Variants in LRRIQ3 observed in about 807,000 individuals in gnomAD.
LRRIQ3 encodes leucine rich repeats and IQ motif containing 3, also known as leucine-rich repeat and IQ domain-containing protein 3.
A neutral mutation model predicts 59.3 loss-of-function variants in LRRIQ3; 75 were observed. The ratio of observed to expected loss-of-function variants is 1.26; its 90% CI spans 1.05 to 1.53. The LOEUF (loss-of-function observed/expected upper bound fraction) is 1.53. LRRIQ3 is among the 40% of genes most tolerant of loss of function. LRRIQ3 has a pLI of 0.00. For missense variants in LRRIQ3, 831 were observed against 710.0 expected (o/e 1.17, Z -1.94); for synonymous variants, 250 against 231.3 (o/e 1.08, Z -0.73).
chr1:74,185,040 T>C (rs1213490138), intron 1 of LRRIQ3, among the ~76,000 whole-genome samples: 2 of 152,228 alleles, frequency 1.3e-5, no homozygotes, highest in Non-Finnish European at 2.9e-5. Context: ...TGGTTTGGTT[T>C]ATTTATCCAT....
At chr1:74,083,653 G>A (rs1345557596) in intron 5 of LRRIQ3, 1 of 151,700 alleles carries the variant, frequency 6.6e-6, no homozygotes, top group East Asian at 1.9e-4. Context: ...GCCTAAATAA[G>A]TTTTGAGAAA....
At chr1:74,184,508 G>A (rs1650227919) in intron 1 of LRRIQ3, among the ~76,000 whole-genome samples, 2 of 152,106 alleles carry the variant, frequency 1.3e-5, no homozygotes, top group Non-Finnish European at 1.5e-5. Flanking sequence ...ACGATGTGCA[G>A]ATAAACTAAA....
intron 3 of LRRIQ3, among the ~76,000 whole-genome samples, chr1:74,169,712 T>A (rs144329681): frequency 0.015 from 2,343 of 152,130 alleles, 43 homozygotes; most frequent in South Asian, 0.023. Flanking sequence ...CCACACCTGG[T>A]TAATTTCTTA....
At chr1:74,047,142 C>T (rs779815783) in intron 6 of LRRIQ3, among the ~76,000 whole-genome samples, 5 of 152,066 alleles carry the variant, frequency 3.3e-5, no homozygotes, top group Admixed American at 6.6e-5. Flanking sequence ...CACATACACA[C>T]GTATGTTTAT....
chr1:74,056,129 A>G (rs1654527015), intron 6 of LRRIQ3, among the ~76,000 whole-genome samples: 1 of 150,062 alleles, frequency 6.7e-6, no homozygotes, highest in African/African-American at 2.5e-5. Flanking sequence ...TCGGTGACAG[A>G]GTGAGAATCT....
At chr1:74,064,423 G>A (rs1440154249) in intron 6 of LRRIQ3, among the ~76,000 whole-genome samples, 1 of 151,930 alleles carries the variant, frequency 6.6e-6, no homozygotes, top group Non-Finnish European at 1.5e-5. Flanking sequence ...TGTTTCTAAA[G>A]TAAGTTAAAA....
intron 4 of LRRIQ3, among the ~76,000 whole-genome samples, chr1:74,147,945 T>C (rs1003363187): frequency 6.6e-6 from 1 of 152,216 alleles, no homozygotes; most frequent in African/African-American, 2.4e-5. Flanking sequence ...TTTAAATTTC[T>C]CATTCAACAA....
chr1:74,187,158 C>T (rs773390370), intron 1 of LRRIQ3, among the ~76,000 whole-genome samples: 12 of 151,932 alleles, frequency 7.9e-5, no homozygotes, highest in Non-Finnish European at 1.8e-4. Context: ...ACCATTTGAT[C>T]CAAAAATCCC....
At chr1:74,108,184 A>G (rs1474336882) in intron 5 of LRRIQ3, among the ~76,000 whole-genome samples, 3 of 151,876 alleles carry the variant, frequency 2.0e-5, no homozygotes, top group African/African-American at 7.2e-5. Context: ...CAAATTGGTT[A>G]TCAGTATACT....
intron 3 of LRRIQ3, among the ~76,000 whole-genome samples, chr1:74,171,360 T>C (rs1038946545): frequency 5.3e-5 from 8 of 152,124 alleles, no homozygotes; most frequent in African/African-American, 1.9e-4. Flanking sequence ...TCATAAAAGG[T>C]GTTGAATTTT....
intron 6 of LRRIQ3, among the ~76,000 whole-genome samples, chr1:74,066,926 T>A (rs115436285): frequency 0.029 from 4,436 of 152,210 alleles, 221 homozygotes; most frequent in African/African-American, 0.1. Context: ...ATGGTATGCT[T>A]AGCCCAGAAG....
chr1:74,097,977 C>T (rs1040806923), intron 5 of LRRIQ3, among the ~76,000 whole-genome samples: 14 of 152,158 alleles, frequency 9.2e-5, no homozygotes, highest in African/African-American at 2.9e-4. Flanking sequence ...ACCATCGATG[C>T]TAGGAAGAAA....
At chr1:74,197,032 G>T (rs1332364867) in intron 1 of LRRIQ3, among the ~76,000 whole-genome samples, 1 of 151,912 alleles carries the variant, frequency 6.6e-6, no homozygotes, top group Non-Finnish European at 1.5e-5. Context: ...TTCTCCTTTG[G>T]TTACTTTCAC....
intron 4 of LRRIQ3, among the ~76,000 whole-genome samples, chr1:74,124,539 T>C (rs558784958): frequency 2.0e-5 from 3 of 152,070 alleles, no homozygotes; most frequent in African/African-American, 7.2e-5. Flanking sequence ...TTTTTCTATA[T>C]GGTCAGAGAT....
Position 74,119,454 on chromosome 1 carries a change from T to C in LRRIQ3, c.708-9901A>G, listed in dbSNP as rs530134676. On this transcript the variant is annotated intron_variant, in intron 4 of 7. Transcript: ENST00000354431. ...ATATGTGAACATTTTCTGATTTGTA[T>C]AGACATATTCTTTTGAAAGTAGTTA... 2.6e-5 allele frequency among the ~76,000 whole-genome samples: 4 copies of C among 152,224 alleles called. No individual in the cohort carries two copies. In the East Asian group the frequency reaches 7.7e-4, roughly 29 times the overall value.
intron 5 of LRRIQ3, among the ~76,000 whole-genome samples, chr1:74,080,372 A>T (rs1646260428): frequency 6.6e-6 from 1 of 151,728 alleles, no homozygotes; most frequent in Non-Finnish European, 1.5e-5. Flanking sequence ...TCCACAATTG[A>T]CAAATTGAAT....
At chr1:74,129,141 C>G (rs1646976361) in intron 4 of LRRIQ3, among the ~76,000 whole-genome samples, 1 of 152,070 alleles carries the variant, frequency 6.6e-6, no homozygotes, top group Non-Finnish European at 1.5e-5. Flanking sequence ...GCCTGCAGAG[C>G]TTTAAAATCA....
At chr1:74,115,545 T>C (rs1646766054) in intron 4 of LRRIQ3, among the ~76,000 whole-genome samples, 1 of 152,034 alleles carries the variant, frequency 6.6e-6, no homozygotes. Flanking sequence ...AAATGGGGTG[T>C]TTGTAAAACT....
In LRRIQ3 at chr1:74,041,296, T is replaced by C; in HGVS notation, c.1635A>G (p.Leu545=). 3 of 1,613,002 alleles carry C rather than the reference T, an allele frequency of 1.9e-6. No individual in the cohort carries two copies. The highest frequency in any genetic ancestry group is 3.3e-4 in the Middle Eastern group (2 of 6,032). Residue 545 remains leucine, a synonymous_variant, in exon 7 of 8, where the codon CTA becomes CTG. Coordinates refer to ENST00000354431, the MANE Select transcript of LRRIQ3 (RefSeq NM_001105659.2). ...IDRLEKNEAV[L]KEKSLIVKQK... is the part of the protein sequence containing the mutation. ...GCTTAACAATCAGGCTTTTCTCTTT[T>C]AGGACAGCCTCATTCTTCTCCAGTC...
Sources: allele counts gnomAD v4.1 joint callset (sites outside exome capture counted in the v4.1 genomes callset), GRCh38; gene constraint gnomAD v4.1.1; transcripts MANE v1.5; gene names NCBI Gene and HGNC (gene_info 2026-07-23, HGNC 2026-07-21).